TRPC4: variants seen among roughly 807,000 people sequenced by gnomAD.
TRPC4 encodes the protein short transient receptor potential channel 4.
TRPC4 carries 49 observed loss-of-function variants against 99.4 expected under a neutral mutation model. That is an observed-to-expected ratio of 0.49 (90% CI 0.39 to 0.63). The LOEUF (loss-of-function observed/expected upper bound fraction) is 0.63, where lower values mean the gene tolerates loss of function less well. Among genes scored for constraint, TRPC4 ranks in the 20% least tolerant of loss-of-function variants. TRPC4 has a pLI of 0.00. For synonymous variants in TRPC4, 454 were observed against 425.9 expected (o/e 1.07, Z -0.81); for missense variants, 898 against 1,152.9 (o/e 0.78, Z 3.20).
chr13:37,834,653 A>G (rs1262389202), intron 1 of TRPC4, among the ~76,000 whole-genome samples: 1 of 152,226 alleles, frequency 6.6e-6, no homozygotes, highest in Non-Finnish European at 1.5e-5. Flanking sequence ...TGAGTACAGT[A>G]AATGAGATGC....
intron 3 of TRPC4, among the ~76,000 whole-genome samples, chr13:37,745,469 TATATACACAC>T (rs1380529453): frequency 0.1 from 901 of 8,972 alleles, 35 homozygotes; most frequent in African/African-American, 0.18. Flanking sequence ...TATATATATA[TATATACACAC>T]ACACACACAC....
At chr13:37,708,747 TAAGTTA>T (rs962898351) in intron 3 of TRPC4, among the ~76,000 whole-genome samples, 4 of 149,424 alleles carry the variant, frequency 2.7e-5, no homozygotes, top group African/African-American at 4.9e-5. Context: ...ATATATAATT[TAAGTTA>T]AAAATCTTAA....
intron 2 of TRPC4, among the ~76,000 whole-genome samples, chr13:37,751,036 C>A (rs1955919376): frequency 6.6e-6 from 1 of 151,962 alleles, no homozygotes; most frequent in South Asian, 2.1e-4. Context: ...CATTCATAAC[C>A]CCTTCAAGAA....
At chr13:37,835,416 T>A (rs1958539759) in intron 1 of TRPC4, among the ~76,000 whole-genome samples, 1 of 152,238 alleles carries the variant, frequency 6.6e-6, no homozygotes, top group African/African-American at 2.4e-5. Flanking sequence ...CCTGCACTCT[T>A]GTCCAACATC....
In TRPC4 at chr13:37,632,243, A is replaced by G. The variant is rs182717327; in HGVS notation, c.*4660T>C. ...ATTGCAAGGCACAAATGCAAGCCAC[A>G]TACGTATTTTTCAGTTTTCTAGTAG... On this transcript the variant is annotated 3_prime_UTR_variant, in exon 11 of 11. Transcript: ENST00000379705. Among the ~76,000 whole-genome samples, 1 of 152,336 alleles carries G rather than the reference A, an allele frequency of 6.6e-6. No homozygotes were observed. The highest frequency in any genetic ancestry group is 1.5e-5 in the Non-Finnish European group (1 of 68,028).
chr13:37,820,449 T>A (rs1957980188), intron 1 of TRPC4, among the ~76,000 whole-genome samples: 1 of 152,040 alleles, frequency 6.6e-6, no homozygotes, highest in Admixed American at 6.6e-5. Context: ...GACGCCAGAA[T>A]CCTCCTGACA....
intron 3 of TRPC4, among the ~76,000 whole-genome samples, chr13:37,745,444 A>T (rs1373415819): frequency 2.9e-4 from 1 of 3,482 alleles, no homozygotes; most frequent in Non-Finnish European, 9.9e-4. Context: ...GCGTATATAT[A>T]TATATATATA....
At chr13:37,654,206 C>T (rs894877296) in intron 7 of TRPC4, among the ~76,000 whole-genome samples, 1 of 151,980 alleles carries the variant, frequency 6.6e-6, no homozygotes, top group Non-Finnish European at 1.5e-5. Flanking sequence ...ACAGTAATAA[C>T]ACTTCAGAGA....
At chr13:37,649,229 T>C (rs9547999) in intron 8 of TRPC4, among the ~76,000 whole-genome samples, 32,622 of 152,048 alleles carry the variant, frequency 0.21, 3,771 homozygotes, top group Non-Finnish European at 0.25. Flanking sequence ...AAGGGAAGCA[T>C]TAATTATTTC....
intron 1 of TRPC4, among the ~76,000 whole-genome samples, chr13:37,792,747 G>GTGTA (rs1957153990): frequency 6.6e-6 from 1 of 151,038 alleles, no homozygotes; most frequent in African/African-American, 2.4e-5. Context: ...GTGTGTGTGT[G>GTGTA]TGTGTGTGTG....
chr13:37,698,167 C>CTTTTTTTTTTTTTTTTTTTTTTTTT (rs67611413), intron 3 of TRPC4, among the ~76,000 whole-genome samples: 2,690 of 42,532 alleles, frequency 0.063, 1,151 homozygotes, highest in South Asian at 0.1. Context: ...AAGGACTAAC[C>CTTTTTTTTTTTTTTTTTTTTTTTTT]TTTTTTTTTT....
chr13:37,853,531 G>A (rs1307025901), intron 1 of TRPC4, among the ~76,000 whole-genome samples: 1 of 152,064 alleles, frequency 6.6e-6, no homozygotes, highest in East Asian at 1.9e-4. Context: ...ACACCTATAA[G>A]CATCAAGAAT....
chr13:37,678,355 G>A (rs891960690), intron 4 of TRPC4, among the ~76,000 whole-genome samples: 38 of 151,848 alleles, frequency 2.5e-4, no homozygotes, highest in African/African-American at 8.9e-4. Context: ...CAATAAAATT[G>A]ATAAAACGCT....
chr13:37,795,200 T>C (rs200376751), intron 1 of TRPC4, among the ~76,000 whole-genome samples: 3 of 151,570 alleles, frequency 2.0e-5, no homozygotes, highest in African/African-American at 7.3e-5. Context: ...TGTTATAAAA[T>C]AATTCATCAA....
chr13:37,637,124 G>A lies in TRPC4; in HGVS notation c.2713C>T (p.Gln905Ter). The A allele has an allele frequency of 6.2e-7, 1 of 1,613,690 alleles. No individual in the cohort carries two copies. The highest frequency in any genetic ancestry group is 8.5e-7 in the Non-Finnish European group (1 of 1,179,814). ...TCTCTATGGTCTACTAACACACATT[G>A]TTCACTGAGACCGGGAATGCTCAGG... ...GDLSIPGLSE[Q>*]CVLVDHRERN... The change falls in exon 11 of 11, where the codon CAA becomes TAA. Residue 905 changes from glutamine to a stop codon, truncating the protein, a stop_gained. Transcript: ENST00000379705. LOFTEE classifies it high-confidence loss of function.
intron 1 of TRPC4, among the ~76,000 whole-genome samples, chr13:37,850,678 G>A (rs978054732): frequency 2.0e-5 from 3 of 152,060 alleles, no homozygotes; most frequent in African/African-American, 7.2e-5. Flanking sequence ...TAAATTATAT[G>A]TAGTGAATTA....
At chr13:37,754,167 C>A (rs1956033811) in intron 2 of TRPC4, among the ~76,000 whole-genome samples, 1 of 152,082 alleles carries the variant, frequency 6.6e-6, no homozygotes. Context: ...CTTGCTGCCC[C>A]TTTTCACGCT....
chr13:37,821,190 C>CCACACACACACACACA (rs3086254), intron 1 of TRPC4, among the ~76,000 whole-genome samples: 43 of 136,014 alleles, frequency 3.2e-4, no homozygotes, highest in Admixed American at 1.7e-3. Context: ...TTCACAATAG[C>CCACACACACACACACA]CACACACACA....
chr13:37,659,234 A>G (rs1330265277), intron 6 of TRPC4, among the ~76,000 whole-genome samples: 1 of 151,994 alleles, frequency 6.6e-6, no homozygotes, highest in Non-Finnish European at 1.5e-5. Flanking sequence ...TCCTAGGAGT[A>G]ATTAGTGAGT....
Sources: gnomAD v4.1 joint callset for allele counts (sites outside exome capture counted in the v4.1 genomes callset) on GRCh38, gnomAD v4.1.1 for gene constraint, MANE v1.5 for transcripts, NCBI Gene and HGNC (gene_info 2026-07-23, HGNC 2026-07-21) for gene names.